Variants in KCNJ18 observed in about 807,000 individuals in gnomAD.
The protein encoded by KCNJ18 is potassium inwardly rectifying channel subfamily J member 18.
KCNJ18 carries 16 observed loss-of-function variants against 17.3 expected under a neutral mutation model. That is an observed-to-expected ratio of 0.92 (90% CI 0.62 to 1.40). The LOEUF (loss-of-function observed/expected upper bound fraction) is 1.40. KCNJ18 is among the 40% of genes most tolerant of loss of function. The pLI, the probability that KCNJ18 is intolerant of heterozygous loss-of-function variation, is 0.00. For synonymous variants in KCNJ18, 185 were observed against 262.6 expected (o/e 0.70, Z 2.86); for missense variants, 462 against 626.8 (o/e 0.74, Z 2.81).
chr17:21,704,129 G>C lies in KCNJ18; in HGVS notation c.*41G>C, dbSNP rs2142274482. On this transcript the variant is annotated 3_prime_UTR_variant, in exon 3 of 3. Coordinates refer to ENST00000567955, the MANE Select transcript of KCNJ18 (RefSeq NM_001194958.2). ...CATGCAGCATCCACCCCTGGCCGGGGAGAGGCCCCGCGGTCGCTCAGGGGC... is the reference window on the plus strand; with the variant it reads ...CATGCAGCATCCACCCCTGGCCGGGCAGAGGCCCCGCGGTCGCTCAGGGGC... The C allele has an allele frequency of 2.0e-6, 3 of 1,489,042 alleles. No individual in the cohort carries two copies. The highest frequency in any genetic ancestry group is 1.4e-5 in the South Asian group (1 of 72,216). 92.2% of individuals were successfully genotyped at this position (1,489,042 alleles called of 1,614,324 possible).
intron 2 of KCNJ18, 64 bp from the exon 3 acceptor site, chr17:21,702,667 G>A: frequency 1.8e-6 from 2 of 1,110,984 alleles, no homozygotes; most frequent in Non-Finnish European, 2.6e-6. Context: ...TGGGGGCCCT[G>A]GGATGGGGGT....
At chr17:21,702,636 G>A (rs1486737159) in intron 2 of KCNJ18, 95 bp from the exon 3 acceptor site, 4 of 861,396 alleles carry the variant, frequency 4.6e-6, no homozygotes, top group Non-Finnish European at 7.2e-6. Flanking sequence ...AATCAGGGTG[G>A]AAGCGTCCTC....
chr17:21,694,572 T>C (rs1416491783), intron 1 of KCNJ18, among the ~76,000 whole-genome samples: 85,380 of 138,492 alleles, frequency 0.62, 25,356 homozygotes, highest in East Asian at 0.83. Context: ...ACCCTCACAC[T>C]CATCCACCCA....
At chr17:21,702,461 G>A (rs1308477642) in intron 2 of KCNJ18, among the ~76,000 whole-genome samples, 8 of 152,298 alleles carry the variant, frequency 5.3e-5, no homozygotes, top group Admixed American at 1.3e-4. Context: ...GGTGGGAGAA[G>A]GGGTCGGATC....
In KCNJ18 at chr17:21,702,930, G is replaced by A. The variant is rs1906016443; in HGVS notation, c.144G>A (p.Lys48=). Residue 48 remains lysine (K), a synonymous_variant, in exon 3 of 3, where the codon AAG becomes AAA. Transcript: ENST00000567955. ...TRRRCRNRFV[K]KNGQCNIAFA... ...GCAGGTGCCGCAACCGCTTCGTCAA[G>A]AAGAATGGCCAGTGCAACATTGCGT... 2 of 1,592,130 alleles carry A rather than the reference G, an allele frequency of 1.3e-6. No individual in the cohort carries two copies. The highest frequency in any genetic ancestry group is 1.8e-5 in the Admixed American group (1 of 56,880).
chr17:21,704,372 G>C lies in KCNJ18; in HGVS notation c.*284G>C. 2.4e-6 allele frequency: 1 copy of C among 417,358 alleles called. No homozygotes were observed. The highest frequency in any genetic ancestry group is 4.4e-6 in the Non-Finnish European group (1 of 228,376). The allele number at this position is 417,358 out of a possible 1,614,324, so 25.9% of individuals were successfully genotyped here. A position where few individuals can be genotyped will look rare whatever the true frequency, so the allele number is the denominator to read the frequency against. On this transcript the variant is annotated 3_prime_UTR_variant, in exon 3 of 3. Coordinates refer to ENST00000567955, the MANE Select transcript of KCNJ18 (RefSeq NM_001194958.2). ...GCCAGGGCTTCTGCCTGAAGATGGAGCTGCAGCCTGCGGGGAAGCAGCCCA... is the reference window on the plus strand; with the variant it reads ...GCCAGGGCTTCTGCCTGAAGATGGACCTGCAGCCTGCGGGGAAGCAGCCCA...
At chr17:21,698,428 A>G (rs1436496932) in intron 2 of KCNJ18, among the ~76,000 whole-genome samples, 73,494 of 147,854 alleles carry the variant, frequency 0.5, 18,488 homozygotes, top group East Asian at 0.83. Context: ...TTCGTGCCTC[A>G]TGAGGCGCCC....
chr17:21,693,181 G>A (rs1195914002), intron 1 of KCNJ18, among the ~76,000 whole-genome samples: 2 of 152,428 alleles, frequency 1.3e-5, no homozygotes, highest in Admixed American at 6.5e-5. Context: ...GGCCCCTGCA[G>A]GTGGCGGGAG....
chr17:21,702,770 G>T lies in KCNJ18; in HGVS notation c.-17G>T. The T allele has an allele frequency of 2.5e-6, 4 of 1,569,880 alleles. No individual in the cohort carries two copies. The highest frequency in any genetic ancestry group is 2.4e-5 in the East Asian group (1 of 42,480). On this transcript the variant is annotated 5_prime_UTR_variant, in exon 3 of 3. Transcript: ENST00000567955. ...GGAGCTAGCCTGGGGGTGAGCCAGGGTCCCCCAACCCCCGGGATGACCGCG... is the reference window on the plus strand; with the variant it reads ...GGAGCTAGCCTGGGGGTGAGCCAGGTTCCCCCAACCCCCGGGATGACCGCG...
chr17:21,694,839 C>T (rs1431431937), intron 1 of KCNJ18, among the ~76,000 whole-genome samples: 1 of 152,040 alleles, frequency 6.6e-6, no homozygotes, highest in Admixed American at 6.6e-5. Context: ...CACCCGTCAC[C>T]CATTCATCCA....
At position 21,703,660 on chromosome 17, in the gene KCNJ18, G is replaced by T; in HGVS notation, c.874G>T (p.Asp292Tyr). The T allele has an allele frequency of 6.2e-7, 1 of 1,601,668 alleles. No individual in the cohort carries two copies. The highest frequency in any genetic ancestry group is 2.2e-5 in the East Asian group (1 of 44,504). ...GISRQDLETD[D>Y]FEIVVILEGM... ...CAGCCGGCAGGACCTGGAGACGGACGACTTTGAGATCGTGGTCATCCTGGA... is the reference window on the plus strand; with the variant it reads ...CAGCCGGCAGGACCTGGAGACGGACTACTTTGAGATCGTGGTCATCCTGGA... Residue 292 changes from aspartate (D) to tyrosine (Y), a missense_variant, in exon 3 of 3, where the codon GAC becomes TAC. Coordinates refer to ENST00000567955, the MANE Select transcript of KCNJ18 (RefSeq NM_001194958.2).
At position 21,702,640 on chromosome 17, in the gene KCNJ18, C is replaced by T. The variant is rs1242445164; in HGVS notation, c.-56-91C>T. On this transcript the variant is annotated intron_variant, in intron 2 of 2. Coordinates refer to ENST00000567955, the MANE Select transcript of KCNJ18 (RefSeq NM_001194958.2). ...GATTGTGGGTCAATCAGGGTGGAAG[C>T]GTCCTCCAGTCACGTCTGGGGGCCC... 1.3e-4 allele frequency: 111 copies of T among 868,740 alleles called. 1 individual carries two copies. In the African/African-American group the frequency reaches 1.5e-3, roughly 11 times the overall value. 53.8% of individuals were successfully genotyped at this position (868,740 alleles called of 1,614,324 possible). A position where few individuals can be genotyped will look rare whatever the true frequency, so the allele number is the denominator to read the frequency against.
Position 21,704,251 on chromosome 17 carries a change from C to A in KCNJ18, c.*163C>A, listed in dbSNP as rs1436971715. 4.4e-6 allele frequency: 4 copies of A among 910,152 alleles called. No homozygotes were observed. The African/African-American group carries it at 5.0e-5, about 11-fold the overall frequency. 56.4% of individuals were successfully genotyped at this position (910,152 alleles called of 1,614,324 possible). A position where few individuals can be genotyped will look rare whatever the true frequency, so the allele number is the denominator to read the frequency against. ...CTTTGCAAAGGCCTCAGAAGGTTGGCCGGAGAGGGGGCAGCCAGAGCGGCA... is the reference window on the plus strand; with the variant it reads ...CTTTGCAAAGGCCTCAGAAGGTTGGACGGAGAGGGGGCAGCCAGAGCGGCA... On this transcript the variant is annotated 3_prime_UTR_variant, in exon 3 of 3. Transcript: ENST00000567955.
At chr17:21,702,502 G>A (rs1905993043) in intron 2 of KCNJ18, among the ~76,000 whole-genome samples, 1 of 152,240 alleles carries the variant, frequency 6.6e-6, no homozygotes, top group African/African-American at 2.4e-5. Flanking sequence ...CCTCAGTGTG[G>A]GAGTGAGGTG....
In KCNJ18 at chr17:21,704,368, T is replaced by C. The variant is rs1164503631; in HGVS notation, c.*280T>C. ...GGGGGCCAGGGCTTCTGCCTGAAGA[T>C]GGAGCTGCAGCCTGCGGGGAAGCAG... On this transcript the variant is annotated 3_prime_UTR_variant, in exon 3 of 3. Transcript: ENST00000567955. The C allele has an allele frequency of 4.7e-6, 2 of 428,440 alleles. No individual in the cohort carries two copies. Among genetic ancestry groups the C allele is most frequent in the Non-Finnish European group, 8.5e-6 (2 of 235,868 alleles). 26.5% of individuals were successfully genotyped at this position (428,440 alleles called of 1,614,324 possible).
In KCNJ18 at chr17:21,703,518, C is replaced by T; in HGVS notation, c.732C>T (p.Ile244=). ...KPRVTEEGEY[I]PLDQIDIDVG... is the part of the protein sequence containing the mutation. The stretch of plus-strand genomic sequence containing the variant: ...GGGTCACCGAGGAGGGCGAGTACAT[C>T]CCGCTGGACCAGATCGACATCGATG... The change falls in exon 3 of 3, where the codon ATC becomes ATT. Residue 244 remains isoleucine (I), a synonymous_variant. Coordinates refer to ENST00000567955, the MANE Select transcript of KCNJ18 (RefSeq NM_001194958.2). The T allele has an allele frequency of 3.1e-6, 5 of 1,604,940 alleles. No homozygotes were observed. The South Asian group carries it at 3.4e-5, about 11-fold the overall frequency.
At chr17:21,697,351 G>A (rs1449861230) in intron 2 of KCNJ18, among the ~76,000 whole-genome samples, 8 of 152,424 alleles carry the variant, frequency 5.2e-5, no homozygotes, top group South Asian at 4.1e-4. Context: ...GGACCCAAAT[G>A]TTTGAGGGCC....
At chr17:21,701,313 C>T (rs1428716365) in intron 2 of KCNJ18, among the ~76,000 whole-genome samples, 3 of 152,404 alleles carry the variant, frequency 2.0e-5, no homozygotes, top group African/African-American at 7.2e-5. Context: ...CAGGTGCTGC[C>T]TGCAGTGAGC....
intron 2 of KCNJ18, among the ~76,000 whole-genome samples, chr17:21,697,171 C>T (rs1164849737): frequency 6.6e-6 from 1 of 152,422 alleles, no homozygotes; most frequent in East Asian, 1.9e-4. Flanking sequence ...AGTTTTTGGG[C>T]AGAGAGACAC....
Sources: gnomAD v4.1 joint callset for allele counts (sites outside exome capture counted in the v4.1 genomes callset) on GRCh38, gnomAD v4.1.1 for gene constraint, MANE v1.5 for transcripts, NCBI Gene and HGNC (gene_info 2026-07-23, HGNC 2026-07-21) for gene names.